UNC5D: variants seen among roughly 807,000 people sequenced by gnomAD.
UNC5D encodes netrin receptor UNC5D.
Under a neutral mutation model 105.4 loss-of-function variants are expected in UNC5D, and 39 were observed. The ratio of observed to expected loss-of-function variants is 0.37; its 90% confidence interval spans 0.29 to 0.48. UNC5D has a LOEUF of 0.48. Among genes scored for constraint, UNC5D ranks in the 20% least tolerant of loss-of-function variants. UNC5D has a pLI of 0.98. For synonymous variants in UNC5D, 452 were observed against 450.4 expected, an observed-to-expected ratio of 1.00 and a Z score of -0.04; for missense variants, 991 against 1,202.4, an observed-to-expected ratio of 0.82 and a Z score of 2.60.
At chr8:35,474,165 A>T (rs1252829590) in intron 1 of UNC5D, among the ~76,000 whole-genome samples, 2 of 152,220 alleles carry the variant, frequency 1.3e-5, no homozygotes, top group Non-Finnish European at 1.5e-5. Context: ...TTATATCCAG[A>T]TGTACATCCA....
chr8:35,788,703 C>T (rs1802868867), intron 16 of UNC5D, among the ~76,000 whole-genome samples: 1 of 149,480 alleles, frequency 6.7e-6, no homozygotes, highest in African/African-American at 2.4e-5. Flanking sequence ...CACACACGCA[C>T]ACACACACAC....
At chr8:35,751,020 G>A (rs6468332) in intron 13 of UNC5D, among the ~76,000 whole-genome samples, 11,328 of 152,100 alleles carry the variant, frequency 0.074, 1,134 homozygotes, top group African/African-American at 0.23. Context: ...ACGCAGAGCC[G>A]GCTGTGTGGG....
At chr8:35,716,232 C>T (rs895728309) in intron 8 of UNC5D, among the ~76,000 whole-genome samples, 7 of 152,100 alleles carry the variant, frequency 4.6e-5, no homozygotes, top group South Asian at 2.1e-4. Context: ...CTTGACAATG[C>T]GTCATCATCA....
At chr8:35,396,813 T>A (rs1397234307) in intron 1 of UNC5D, among the ~76,000 whole-genome samples, 1 of 151,758 alleles carries the variant, frequency 6.6e-6, no homozygotes, top group Non-Finnish European at 1.5e-5. Context: ...GTGGCTTTTT[T>A]TTTTTTTGTA....
intron 1 of UNC5D, among the ~76,000 whole-genome samples, chr8:35,395,429 C>T (rs1403203304): frequency 6.6e-6 from 1 of 152,138 alleles, no homozygotes; most frequent in African/African-American, 2.4e-5. Flanking sequence ...TTTTCCATAT[C>T]AAAAAGAAAA....
At chr8:35,492,642 T>C (rs1275339556) in intron 1 of UNC5D, among the ~76,000 whole-genome samples, 1 of 152,056 alleles carries the variant, frequency 6.6e-6, no homozygotes, top group African/African-American at 2.4e-5. Context: ...CCACAAAATA[T>C]GAGACTCAAA....
At chr8:35,657,074 G>GTATA (rs1278328687) in intron 4 of UNC5D, among the ~76,000 whole-genome samples, 5 of 96,590 alleles carry the variant, frequency 5.2e-5, no homozygotes, top group African/African-American at 1.5e-4. Context: ...GTGTGTGTGT[G>GTATA]TGTGTGTATA....
At chr8:35,288,570 A>G (rs1174197274) in intron 1 of UNC5D, among the ~76,000 whole-genome samples, 3 of 152,204 alleles carry the variant, frequency 2.0e-5, no homozygotes, top group South Asian at 2.1e-4. Flanking sequence ...TGAATTCTCT[A>G]ATACTGTAAC....
intron 4 of UNC5D, among the ~76,000 whole-genome samples, chr8:35,632,759 C>A (rs1354335499): frequency 6.6e-6 from 1 of 152,238 alleles, no homozygotes; most frequent in African/African-American, 2.4e-5. Flanking sequence ...GATGTTACCA[C>A]TTTACAGGCC....
At chr8:35,533,584 G>C (rs987337557) in intron 1 of UNC5D, among the ~76,000 whole-genome samples, 5 of 152,234 alleles carry the variant, frequency 3.3e-5, no homozygotes, top group Admixed American at 2.0e-4. Context: ...CCCAATTCGA[G>C]CTTCCTGGCT....
chr8:35,728,656 C>A (rs1046619628), intron 10 of UNC5D, among the ~76,000 whole-genome samples: 1 of 152,134 alleles, frequency 6.6e-6, no homozygotes, highest in Admixed American at 6.6e-5. Flanking sequence ...ATAAAGAAAG[C>A]AAGGCACTGA....
intron 1 of UNC5D, among the ~76,000 whole-genome samples, chr8:35,454,978 A>C (rs1808389808): frequency 6.6e-6 from 1 of 152,172 alleles, no homozygotes; most frequent in Non-Finnish European, 1.5e-5. Flanking sequence ...CTTTTAATCA[A>C]CACACATTTG....
chr8:35,550,404 A>T (rs1386397235), intron 2 of UNC5D, among the ~76,000 whole-genome samples: 1 of 152,214 alleles, frequency 6.6e-6, no homozygotes, highest in African/African-American at 2.4e-5. Context: ...ACAAGATCCA[A>T]TCTGGTCACA....
chr8:35,284,220 A>G (rs1358866584), intron 1 of UNC5D, among the ~76,000 whole-genome samples: 1 of 152,224 alleles, frequency 6.6e-6, no homozygotes, highest in Admixed American at 6.5e-5. Flanking sequence ...TTATGGACTC[A>G]TAGGGGGCAT....
intron 10 of UNC5D, among the ~76,000 whole-genome samples, chr8:35,728,706 A>G (rs1054075378): frequency 1.3e-5 from 2 of 152,210 alleles, no homozygotes; most frequent in Non-Finnish European, 2.9e-5. Context: ...AAATTATTGT[A>G]TGGTGCCTAG....
At chr8:35,705,813 A>G in intron 7 of UNC5D, 116 bp from the exon 8 acceptor site, 1 of 593,128 alleles carries the variant, frequency 1.7e-6, no homozygotes, top group Non-Finnish European at 2.7e-6. Flanking sequence ...TGTTGTCCAT[A>G]AAAATGGAGA....
chr8:35,722,991 G>A (rs1242057509), intron 9 of UNC5D, among the ~76,000 whole-genome samples: 1 of 152,096 alleles, frequency 6.6e-6, no homozygotes, highest in Admixed American at 6.6e-5. Context: ...ACTGTATCAT[G>A]TCATTTTCAA....
At chr8:35,277,430 G>A (rs1384761503) in intron 1 of UNC5D, among the ~76,000 whole-genome samples, 1 of 152,140 alleles carries the variant, frequency 6.6e-6, no homozygotes, top group Non-Finnish European at 1.5e-5. Context: ...CTTTTTCTGT[G>A]TCCTCTCTGT....
At chr8:35,332,635 A>G (rs1361627803) in intron 1 of UNC5D, among the ~76,000 whole-genome samples, 1 of 152,208 alleles carries the variant, frequency 6.6e-6, no homozygotes, top group Admixed American at 6.5e-5. Flanking sequence ...GCAACCAACT[A>G]TCAATTTTAT....
Sources: gnomAD v4.1 joint callset for allele counts (sites outside exome capture counted in the v4.1 genomes callset) on GRCh38, gnomAD v4.1.1 for gene constraint, MANE v1.5 for transcripts, NCBI Gene and HGNC (gene_info 2026-07-23, HGNC 2026-07-21) for gene names.